Variants in SLC16A7 observed in about 807,000 individuals in gnomAD.
SLC16A7 encodes the protein solute carrier family 16 member 7.
A neutral mutation model predicts 34.9 loss-of-function variants in SLC16A7; 33 were observed. That is an observed-to-expected ratio of 0.94 (90% CI 0.72 to 1.26). The LOEUF (loss-of-function observed/expected upper bound fraction) is 1.26, where lower values mean the gene tolerates loss of function less well. SLC16A7 is among the 50% of genes most tolerant of loss of function. The probability of loss-of-function intolerance (pLI) is 0.00; values close to 1 mark genes in which losing one functional copy is unlikely to be tolerated. For synonymous variants in SLC16A7, 201 were observed against 206.6 expected, an observed-to-expected ratio of 0.97 and a Z score of 0.23; for missense variants, 573 against 578.1, an observed-to-expected ratio of 0.99 and a Z score of 0.09.
intron 1 of SLC16A7, among the ~76,000 whole-genome samples, chr12:59,645,254 T>C (rs376423023): frequency 3.9e-5 from 6 of 152,308 alleles, no homozygotes; most frequent in Admixed American, 6.5e-5. Flanking sequence ...GAAGACATGA[T>C]GCTAAAAGAG....
intron 1 of SLC16A7, among the ~76,000 whole-genome samples, chr12:59,651,492 A>C (rs1185314795): frequency 6.6e-6 from 1 of 152,180 alleles, no homozygotes; most frequent in African/African-American, 2.4e-5. Context: ...GTAGCTGTAA[A>C]TAGTGTTTAC....
At chr12:59,680,629 A>G (rs1180099637) in intron 2 of SLC16A7, among the ~76,000 whole-genome samples, 1 of 152,124 alleles carries the variant, frequency 6.6e-6, no homozygotes, top group Non-Finnish European at 1.5e-5. Context: ...TATAGAATGC[A>G]ATCTATAATT....
intron 1 of SLC16A7, among the ~76,000 whole-genome samples, chr12:59,643,925 A>G (rs1232444480): frequency 6.6e-6 from 1 of 152,180 alleles, no homozygotes; most frequent in Admixed American, 6.6e-5. Context: ...AATGACCTAC[A>G]TCAGTTCACA....
At position 59,783,542 on chromosome 12, in the gene SLC16A7, C is replaced by T. The variant is rs866815930; in HGVS notation, c.*3863C>T. On this transcript the variant is annotated 3_prime_UTR_variant, in exon 6 of 6. Transcript: ENST00000547379. ...AAATATAGGTACAAAAAAGATACAT[C>T]CTATATAGTAAAACAATTAGGTTTA... The T allele has an allele frequency of 1.1e-4, 17 of 152,054 alleles. No homozygotes were observed. The highest frequency in any genetic ancestry group is 3.4e-3 in the Middle Eastern group (1 of 292). The allele number at this position is 152,054 out of a possible 1,614,324, so 9.4% of individuals were successfully genotyped here. A position where few individuals can be genotyped will look rare whatever the true frequency, so the allele number is the denominator to read the frequency against.
chr12:59,771,203 C>A lies in SLC16A7; in HGVS notation c.218-16C>A. 2 of 1,598,944 alleles carry A rather than the reference C, an allele frequency of 1.3e-6. No individual in the cohort carries two copies. Among genetic ancestry groups the A allele is most frequent in the South Asian group, 1.1e-5 (1 of 88,636 alleles). ...CAAGAGCAACTGAGTATTTCTTTATCTCCTCTCTGCTGTAGGTCCTGTAAG... is the reference window on the plus strand; with the variant it reads ...CAAGAGCAACTGAGTATTTCTTTATATCCTCTCTGCTGTAGGTCCTGTAAG... On this transcript the variant is annotated splice_polypyrimidine_tract_variant and intron_variant, in intron 3 of 5. Coordinates refer to ENST00000547379, the MANE Select transcript of SLC16A7 (RefSeq NM_001270623.2).
intron 3 of SLC16A7, among the ~76,000 whole-genome samples, chr12:59,723,405 G>T (rs1693598): frequency 0.12 from 18,618 of 151,854 alleles, 1,492 homozygotes; most frequent in African/African-American, 0.22. Context: ...TGACAAAGAT[G>T]TAGTGCTAAC....
chr12:59,608,709 A>G (rs1226152937), intron 1 of SLC16A7, among the ~76,000 whole-genome samples: 1 of 152,242 alleles, frequency 6.6e-6, no homozygotes, highest in African/African-American at 2.4e-5. Flanking sequence ...TGTTAATTTA[A>G]GAAAAAAATA....
intron 2 of SLC16A7, among the ~76,000 whole-genome samples, chr12:59,700,425 A>C (rs562057167): frequency 6.0e-5 from 9 of 150,580 alleles, no homozygotes; most frequent in Non-Finnish European, 1.0e-4. Flanking sequence ...TATATATGTC[A>C]TATGCATATT....
Position 59,596,501 on chromosome 12 carries a change from C to G in SLC16A7, c.-130+265C>G, listed in dbSNP as rs1420919918. 1.1e-5 allele frequency among the ~76,000 whole-genome samples: 1 copy of G among 90,338 alleles called. No homozygotes were observed. The highest frequency in any genetic ancestry group is 5.0e-4 in the South Asian group (1 of 2,000). The allele number at this position is 90,338 out of a possible 152,430, so 59.3% of individuals were successfully genotyped here. On this transcript the variant is annotated intron_variant, in intron 1 of 5. Coordinates refer to ENST00000547379, the MANE Select transcript of SLC16A7 (RefSeq NM_001270623.2). This position sits in a 1 kb window ranked among gnomAD's most constrained non-coding sequence, Gnocchi z 5.0. ...GCTGCCCGGGAACTGAGGGGGCGCG[C>G]GGGGTCCTGGGCAAGGAGCGCCTCG...
intron 2 of SLC16A7, among the ~76,000 whole-genome samples, chr12:59,702,769 G>A (rs186821868): frequency 3.4e-4 from 51 of 152,154 alleles, no homozygotes; most frequent in African/African-American, 1.2e-3. Flanking sequence ...TATGCAGAGA[G>A]GATGTAATAA....
At chr12:59,728,585 C>T (rs534267893) in intron 3 of SLC16A7, among the ~76,000 whole-genome samples, 29 of 152,234 alleles carry the variant, frequency 1.9e-4, no homozygotes, top group African/African-American at 6.3e-4. Context: ...ATTAGCTGAG[C>T]GTGGTGGAGC....
intron 1 of SLC16A7, among the ~76,000 whole-genome samples, chr12:59,611,037 C>T (rs546699372): frequency 6.8e-4 from 104 of 152,250 alleles, no homozygotes; most frequent in African/African-American, 2.4e-3. Context: ...TACCTGTGTG[C>T]TTACATAGCA....
At chr12:59,670,582 C>A (rs1448412437) in intron 2 of SLC16A7, among the ~76,000 whole-genome samples, 1 of 152,172 alleles carries the variant, frequency 6.6e-6, no homozygotes, top group African/African-American at 2.4e-5. Context: ...AAATTCCTCT[C>A]CATCTGTGAA....
At position 59,783,830 on chromosome 12, in the gene SLC16A7, T is replaced by G. The variant is rs755374045; in HGVS notation, c.*4151T>G. ...CCATGCCCGGCTAATTTTGTGGCTTTTTTTGTTTTGTTTTGTTTTGTTTTG... is the reference window on the plus strand; with the variant it reads ...CCATGCCCGGCTAATTTTGTGGCTTGTTTTGTTTTGTTTTGTTTTGTTTTG... On this transcript the variant is annotated 3_prime_UTR_variant, in exon 6 of 6. Coordinates refer to ENST00000547379, the MANE Select transcript of SLC16A7 (RefSeq NM_001270623.2). 15 of 152,230 alleles carry G rather than the reference T, an allele frequency of 9.9e-5. No individual in the cohort carries two copies. The highest frequency in any genetic ancestry group is 1.8e-4 in the Non-Finnish European group (12 of 68,226). 9.4% of individuals were successfully genotyped at this position (152,230 alleles called of 1,614,324 possible). A position where few individuals can be genotyped will look rare whatever the true frequency, so the allele number is the denominator to read the frequency against.
At chr12:59,765,525 G>T (rs1456903971) in intron 3 of SLC16A7, among the ~76,000 whole-genome samples, 1 of 152,100 alleles carries the variant, frequency 6.6e-6, no homozygotes, top group East Asian at 1.9e-4. Context: ...TGTAAGGAAG[G>T]GATCCAGTTT....
intron 1 of SLC16A7, among the ~76,000 whole-genome samples, chr12:59,649,929 A>G (rs1457664797): frequency 2.0e-5 from 3 of 152,090 alleles, no homozygotes; most frequent in Admixed American, 1.3e-4. Flanking sequence ...AGTCTGGCCT[A>G]TAAGAGTGGA....
intron 3 of SLC16A7, among the ~76,000 whole-genome samples, chr12:59,740,657 G>C (rs1184084076): frequency 6.6e-6 from 1 of 152,160 alleles, no homozygotes; most frequent in East Asian, 1.9e-4. Flanking sequence ...GCACAAGACA[G>C]GGATGCCCTC....
chr12:59,671,121 G>A (rs1869646552), intron 2 of SLC16A7, among the ~76,000 whole-genome samples: 1 of 152,072 alleles, frequency 6.6e-6, no homozygotes, highest in East Asian at 1.9e-4. Context: ...TCCTGAATTC[G>A]AGGTTCTTTA....
rs934619526 is a variant in SLC16A7, at chr12:59,789,001, T to C, written c.*9322T>C. Reference sequence around the variant, plus strand: ...AAAAATCTTGGTTGTAGTTTCTAATTTTCACTGCATAACAAATTTGAAACC... The same window carrying C: ...AAAAATCTTGGTTGTAGTTTCTAATCTTCACTGCATAACAAATTTGAAACC... On this transcript the variant is annotated 3_prime_UTR_variant, in exon 6 of 6. Coordinates refer to ENST00000547379, the MANE Select transcript of SLC16A7 (RefSeq NM_001270623.2). The C allele has an allele frequency of 1.7e-4, 26 of 152,086 alleles. No individual in the cohort carries two copies. The highest frequency in any genetic ancestry group is 6.3e-4 in the African/African-American group (26 of 41,456). The allele number at this position is 152,086 out of a possible 1,614,324, so 9.4% of individuals were successfully genotyped here.
Sources: allele counts gnomAD v4.1 joint callset (sites outside exome capture counted in the v4.1 genomes callset), GRCh38; gene constraint gnomAD v4.1.1; non-coding constraint Gnocchi (gnomAD v3.1); transcripts MANE v1.5; gene names NCBI Gene and HGNC (gene_info 2026-07-23, HGNC 2026-07-21).